RORA: variants seen among roughly 807,000 people sequenced by gnomAD.
RORA encodes RAR related orphan receptor A, also known as nuclear receptor ROR-alpha.
A neutral mutation model predicts 69.5 loss-of-function variants in RORA; 7 were observed. The ratio of observed to expected loss-of-function variants is 0.10; its 90% CI spans 0.06 to 0.19. The LOEUF (loss-of-function observed/expected upper bound fraction) is 0.19. Among genes scored for constraint, RORA ranks in the 10% least tolerant of loss-of-function variants. RORA has a pLI of 1.00. For missense variants in RORA, 457 were observed against 663.0 expected, an observed-to-expected ratio of 0.69 and a Z score of 3.41; for synonymous variants, 261 against 240.8, an observed-to-expected ratio of 1.08 and a Z score of -0.78.
At chr15:61,181,054 A>G (rs1388978497) in intron 1 of RORA, among the ~76,000 whole-genome samples, 1 of 150,826 alleles carries the variant, frequency 6.6e-6, no homozygotes, top group Admixed American at 6.7e-5. Flanking sequence ...CAGTAAGCCG[A>G]GATCATGCCA....
chr15:61,100,076 C>G (rs1350738854), intron 1 of RORA, among the ~76,000 whole-genome samples: 1 of 151,390 alleles, frequency 6.6e-6, no homozygotes, highest in Non-Finnish European at 1.5e-5. Context: ...CTCCTTTCCT[C>G]TCCCCACCAA....
intron 2 of RORA, among the ~76,000 whole-genome samples, chr15:60,589,457 CG>C (rs1409005884): frequency 6.6e-6 from 1 of 152,212 alleles, no homozygotes; most frequent in Non-Finnish European, 1.5e-5. Context: ...AACTGATGAA[CG>C]TCTTACATTT....
At chr15:61,093,604 T>C (rs1393017377) in intron 1 of RORA, among the ~76,000 whole-genome samples, 3 of 152,230 alleles carry the variant, frequency 2.0e-5, no homozygotes, top group African/African-American at 7.2e-5. Flanking sequence ...CTAAAGATGA[T>C]GGGTCAACAA....
chr15:60,838,689 T>G (rs1040781616), intron 1 of RORA, among the ~76,000 whole-genome samples: 1 of 152,208 alleles, frequency 6.6e-6, no homozygotes, highest in African/African-American at 2.4e-5. Context: ...TTTCCCTCCC[T>G]GCTTTCAGTT....
chr15:61,157,988 G>A (rs541761916), intron 1 of RORA, among the ~76,000 whole-genome samples: 95 of 152,270 alleles, frequency 6.2e-4, no homozygotes, highest in African/African-American at 2.0e-3. Context: ...ACCCTGGAGA[G>A]CATGGAAAGC....
chr15:60,761,333 A>C (rs542666993), intron 1 of RORA, among the ~76,000 whole-genome samples: 54 of 152,240 alleles, frequency 3.5e-4, no homozygotes, highest in Middle Eastern at 3.4e-3. Context: ...AAATACACTC[A>C]ACAAGAAAAC....
intron 1 of RORA, among the ~76,000 whole-genome samples, chr15:60,948,768 G>A (rs1892985366): frequency 6.6e-6 from 1 of 152,148 alleles, no homozygotes; most frequent in Non-Finnish European, 1.5e-5. Context: ...ACAAATATAA[G>A]ATACGGTCCT....
chr15:60,890,852 C>T (rs1320520548), intron 1 of RORA, among the ~76,000 whole-genome samples: 2 of 152,196 alleles, frequency 1.3e-5, no homozygotes, highest in Non-Finnish European at 2.9e-5. Context: ...GATCACAAAA[C>T]CATACCAAGT....
intron 1 of RORA, among the ~76,000 whole-genome samples, chr15:61,143,501 T>C (rs1354702559): frequency 6.6e-6 from 1 of 152,164 alleles, no homozygotes; most frequent in African/African-American, 2.4e-5. Flanking sequence ...TTCTGAAATA[T>C]AAGGTTATTA....
At chr15:60,620,571 G>T (rs181456795) in intron 2 of RORA, among the ~76,000 whole-genome samples, 1 of 152,336 alleles carries the variant, frequency 6.6e-6, no homozygotes, top group Non-Finnish European at 1.5e-5. Flanking sequence ...CTCAATTACT[G>T]TCTGTTTTGT....
intron 2 of RORA, among the ~76,000 whole-genome samples, chr15:60,588,746 A>T (rs972424021): frequency 2.0e-5 from 3 of 152,220 alleles, no homozygotes; most frequent in Non-Finnish European, 2.9e-5. Context: ...TTTCTAAATG[A>T]CTATTTCTGT....
chr15:61,117,893 A>G (rs1172991963), intron 1 of RORA, among the ~76,000 whole-genome samples: 1 of 152,236 alleles, frequency 6.6e-6, no homozygotes, highest in Non-Finnish European at 1.5e-5. Context: ...CCAGAAAAAC[A>G]TACAAAAGAA....
At chr15:60,819,800 G>A (rs1400654550) in intron 1 of RORA, among the ~76,000 whole-genome samples, 1 of 119,116 alleles carries the variant, frequency 8.4e-6, no homozygotes, top group Non-Finnish European at 1.7e-5. Context: ...CACACGGGTT[G>A]CTTTTTCATG....
At chr15:60,578,592 C>T (rs2068096003) in intron 2 of RORA, among the ~76,000 whole-genome samples, 1 of 152,082 alleles carries the variant, frequency 6.6e-6, no homozygotes, top group Non-Finnish European at 1.5e-5. Context: ...CAAACAATGA[C>T]ACAAGTACTT....
chr15:61,044,016 G>A (rs1412626805), intron 1 of RORA, among the ~76,000 whole-genome samples: 4 of 152,172 alleles, frequency 2.6e-5, no homozygotes, highest in East Asian at 3.9e-4. Context: ...CCACAAACAC[G>A]GACCCCAGGC....
chr15:61,226,493 G>A lies in RORA; in HGVS notation c.166+2560C>T, dbSNP rs973625754. On this transcript the variant is annotated intron_variant, in intron 1 of 10. Coordinates refer to ENST00000335670, the MANE Select transcript of RORA (RefSeq NM_134261.3). This position sits in a 1 kb window ranked among gnomAD's most constrained non-coding sequence, Gnocchi z 4.2. The stretch of plus-strand genomic sequence containing the variant: ...CTTACTGCTTACACTCTGGGAGCCG[G>A]CTTGCATATTCTGCCAACTCCATTA... 6.6e-6 allele frequency among the ~76,000 whole-genome samples: 1 copy of A among 152,144 alleles called. No individual in the cohort carries two copies. Among genetic ancestry groups the A allele is most frequent in the Non-Finnish European group, 1.5e-5 (1 of 68,028 alleles).
intron 1 of RORA, among the ~76,000 whole-genome samples, chr15:60,737,234 G>A (rs2071513652): frequency 6.6e-6 from 1 of 152,164 alleles, no homozygotes. Context: ...TGGTCCAACT[G>A]CACACAGCCC....
intron 1 of RORA, among the ~76,000 whole-genome samples, chr15:61,184,230 C>T (rs1440005167): frequency 6.6e-6 from 1 of 152,176 alleles, no homozygotes; most frequent in African/African-American, 2.4e-5. Context: ...CTTCACAACA[C>T]ACTCCCCTTA....
intron 1 of RORA, among the ~76,000 whole-genome samples, chr15:60,723,336 A>G (rs1225837353): frequency 6.6e-6 from 1 of 152,140 alleles, no homozygotes; most frequent in Non-Finnish European, 1.5e-5. Flanking sequence ...TATCATCTCA[A>G]AACTGGTTGA....
Sources: allele counts gnomAD v4.1 joint callset (sites outside exome capture counted in the v4.1 genomes callset), GRCh38; gene constraint gnomAD v4.1.1; non-coding constraint Gnocchi (gnomAD v3.1); transcripts MANE v1.5; gene names NCBI Gene and HGNC (gene_info 2026-07-23, HGNC 2026-07-21).